UBL3: variants seen among roughly 807,000 people sequenced by gnomAD.
UBL3 encodes ubiquitin-like protein 3.
Under a neutral mutation model 18.4 loss-of-function variants are expected in UBL3, and 6 were observed. That is an observed-to-expected ratio of 0.33 (90% CI 0.18 to 0.64). The LOEUF (loss-of-function observed/expected upper bound fraction) is 0.64, where lower values mean the gene tolerates loss of function less well. Among genes scored for constraint, UBL3 ranks in the 30% least tolerant of loss-of-function variants. The pLI, the probability that UBL3 is intolerant of heterozygous loss-of-function variation, is 0.76. For missense variants in UBL3, 109 were observed against 142.9 expected, an observed-to-expected ratio of 0.76 and a Z score of 1.21; for synonymous variants, 49 against 46.6, an observed-to-expected ratio of 1.05 and a Z score of -0.21.
intron 1 of UBL3, among the ~76,000 whole-genome samples, chr13:29,794,112 C>G (rs939958670): frequency 2.0e-5 from 3 of 152,134 alleles, no homozygotes. Flanking sequence ...TCCCGAAGTG[C>G]TGGGATTACA....
chr13:29,813,880 A>G (rs1364611106), intron 1 of UBL3, among the ~76,000 whole-genome samples: 1 of 152,118 alleles, frequency 6.6e-6, no homozygotes, highest in African/African-American at 2.4e-5. Flanking sequence ...ATATTCTCAT[A>G]TGCTTTGGGG....
At chr13:29,849,410 C>G in intron 1 of UBL3, 102 bp downstream of exon 1, 1 of 1,540,792 alleles carries the variant, frequency 6.5e-7, no homozygotes, top group South Asian at 1.1e-5. Context: ...AGTGGCTTTT[C>G]GACAGTCCCC....
At chr13:29,785,356 T>TA (rs35245528) in intron 1 of UBL3, among the ~76,000 whole-genome samples, 40,370 of 152,100 alleles carry the variant, frequency 0.27, 5,434 homozygotes, top group East Asian at 0.42. Context: ...AGATTTTTTT[T>TA]AAGTGCTCAA....
chr13:29,803,956 G>C (rs893630527), intron 1 of UBL3, among the ~76,000 whole-genome samples: 1 of 151,554 alleles, frequency 6.6e-6, no homozygotes, highest in African/African-American at 2.4e-5. Context: ...GACATCTACA[G>C]AACTCTTCAC....
At chr13:29,784,453 T>G (rs900986364) in intron 1 of UBL3, among the ~76,000 whole-genome samples, 1 of 151,950 alleles carries the variant, frequency 6.6e-6, no homozygotes, top group Non-Finnish European at 1.5e-5. Context: ...GGGAAAACCA[T>G]CAACAGAAGC....
chr13:29,786,882 G>A (rs1877333615), intron 1 of UBL3, among the ~76,000 whole-genome samples: 1 of 37,198 alleles, frequency 2.7e-5, no homozygotes, highest in South Asian at 1.2e-3. Flanking sequence ...CTATGAGGTA[G>A]ATAAGAGAGG....
chr13:29,802,510 G>A (rs1460939149), intron 1 of UBL3, among the ~76,000 whole-genome samples: 4 of 152,194 alleles, frequency 2.6e-5, no homozygotes, highest in Non-Finnish European at 4.4e-5. Context: ...AGATACAAAT[G>A]AAGATCATCA....
intron 1 of UBL3, among the ~76,000 whole-genome samples, chr13:29,783,410 A>C (rs1362816607): frequency 6.6e-6 from 1 of 152,234 alleles, no homozygotes; most frequent in East Asian, 1.9e-4. Context: ...TTGCTACTAG[A>C]CTAGAGCCAT....
At chr13:29,807,379 A>G (rs551381502) in intron 1 of UBL3, among the ~76,000 whole-genome samples, 11 of 152,312 alleles carry the variant, frequency 7.2e-5, no homozygotes, top group Non-Finnish European at 1.2e-4. Flanking sequence ...GGTGAGCTGC[A>G]TAAGAATCGA....
chr13:29,789,338 C>A (rs909127460), intron 1 of UBL3, among the ~76,000 whole-genome samples: 2 of 152,114 alleles, frequency 1.3e-5, no homozygotes, highest in African/African-American at 2.4e-5. Flanking sequence ...TAAGATGGTA[C>A]ACTTTATGTT....
chr13:29,805,367 G>A (rs1425427106), intron 1 of UBL3, among the ~76,000 whole-genome samples: 1 of 152,110 alleles, frequency 6.6e-6, no homozygotes, highest in Non-Finnish European at 1.5e-5. Flanking sequence ...AGTCCTTGAG[G>A]GCAAGGTAGA....
intron 1 of UBL3, among the ~76,000 whole-genome samples, chr13:29,818,526 C>T (rs1442077316): frequency 6.6e-6 from 1 of 152,106 alleles, no homozygotes; most frequent in African/African-American, 2.4e-5. Context: ...CAATCAATCA[C>T]CTGACAAATT....
Position 29,766,542 on chromosome 13 carries a change from ACACT to A in UBL3, c.*709_*712del, listed in dbSNP as rs971416817. On this transcript the variant is annotated 3_prime_UTR_variant, in exon 5 of 5. Transcript: ENST00000380680. ...ACCCCTTCTTGTGCTGTCTAAACAA[ACACT>A]CAGTTACTGTAGGACTCAAGAGTGC... The A allele has an allele frequency of 2.0e-5, 3 of 152,590 alleles. No individual in the cohort carries two copies. The allele number at this position is 152,590 out of a possible 1,614,324, so 9.5% of individuals were successfully genotyped here.
chr13:29,831,315 C>T (rs1053143930), intron 1 of UBL3, among the ~76,000 whole-genome samples: 8 of 152,090 alleles, frequency 5.3e-5, no homozygotes, highest in Non-Finnish European at 7.4e-5. Flanking sequence ...TCTTGCTGGG[C>T]GCGGTGGCTC....
intron 1 of UBL3, among the ~76,000 whole-genome samples, chr13:29,800,375 A>G (rs111477078): frequency 1.0e-3 from 154 of 152,336 alleles, no homozygotes; most frequent in African/African-American, 3.6e-3. Context: ...GGCAGATTTG[A>G]GGAGAGAGAG....
chr13:29,786,099 G>A (rs148012330), intron 1 of UBL3, among the ~76,000 whole-genome samples: 1 of 152,314 alleles, frequency 6.6e-6, no homozygotes, highest in East Asian at 1.9e-4. Flanking sequence ...GTGGGACAGA[G>A]TTTAGAGACT....
At chr13:29,786,365 T>G (rs1003862091) in intron 1 of UBL3, among the ~76,000 whole-genome samples, 2 of 152,214 alleles carry the variant, frequency 1.3e-5, no homozygotes, top group African/African-American at 2.4e-5. Flanking sequence ...CTGCCTAGAA[T>G]GCTTTGCACT....
intron 1 of UBL3, among the ~76,000 whole-genome samples, chr13:29,779,058 T>C (rs1295178578): frequency 6.6e-6 from 1 of 152,200 alleles, no homozygotes; most frequent in African/African-American, 2.4e-5. Flanking sequence ...GATAACATGT[T>C]GCTGTAAAGA....
At chr13:29,779,227 G>C (rs760651960) in intron 1 of UBL3, 1 of 507,266 alleles carries the variant, frequency 2.0e-6, no homozygotes, top group Admixed American at 2.0e-5. Flanking sequence ...AACACAATAT[G>C]AATTTCAGTC....
Sources: gnomAD v4.1 joint callset for allele counts (sites outside exome capture counted in the v4.1 genomes callset) on GRCh38, gnomAD v4.1.1 for gene constraint, MANE v1.5 for transcripts, NCBI Gene and HGNC (gene_info 2026-07-23, HGNC 2026-07-21) for gene names.